EPC2: variants seen among roughly 807,000 people sequenced by gnomAD.
The protein encoded by EPC2 is enhancer of polycomb homolog 2.
EPC2 carries 14 observed loss-of-function variants against 92.1 expected under a neutral mutation model. That is an observed-to-expected ratio of 0.15 (90% confidence interval 0.10 to 0.24). The LOEUF is 0.24. Among genes scored for constraint, EPC2 ranks in the 10% least tolerant of loss-of-function variants. EPC2 has a pLI of 1.00. For synonymous variants in EPC2, 340 were observed against 334.7 expected, an observed-to-expected ratio of 1.02 and a Z score of -0.17; for missense variants, 755 against 971.5, an observed-to-expected ratio of 0.78 and a Z score of 2.96.
In EPC2 at chr2:148,681,012, G is replaced by T. The variant is rs2105366338; in HGVS notation, c.154-9202G>T. ...GACATGTTTGTCAAGCTCAAAAAATGAGACTTTATCCTGTAGATGGTGGGC... is the reference window on the plus strand; with the variant it reads ...GACATGTTTGTCAAGCTCAAAAAATTAGACTTTATCCTGTAGATGGTGGGC... On this transcript the variant is annotated intron_variant, in intron 1 of 13. Transcript: ENST00000258484. 1.3e-5 allele frequency among the ~76,000 whole-genome samples: 2 copies of T among 152,272 alleles called. 1 individual carries two copies. Among genetic ancestry groups the T allele is most frequent in the South Asian group, 4.1e-4 (2 of 4,824 alleles).
At chr2:148,742,336 C>G (rs1682894130) in intron 2 of EPC2, among the ~76,000 whole-genome samples, 1 of 152,150 alleles carries the variant, frequency 6.6e-6, no homozygotes, top group Non-Finnish European at 1.5e-5. Context: ...TTCTGCTGCT[C>G]TTTCTAGAGT....
chr2:148,780,574 T>C (rs1480215870), intron 10 of EPC2, among the ~76,000 whole-genome samples: 1 of 152,180 alleles, frequency 6.6e-6, no homozygotes, highest in East Asian at 1.9e-4. Flanking sequence ...GTATTTCTTA[T>C]GTCTGTCTTT....
intron 1 of EPC2, among the ~76,000 whole-genome samples, chr2:148,681,359 G>A (rs1425928323): frequency 1.3e-5 from 2 of 152,106 alleles, no homozygotes; most frequent in Admixed American, 1.3e-4. Flanking sequence ...ATTGTTATTG[G>A]GGGAGGGGGC....
Position 148,761,782 on chromosome 2 carries a change from A to G in EPC2, c.667A>G (p.Asn223Asp). 1 of 1,483,716 alleles carries G rather than the reference A, an allele frequency of 6.7e-7. No individual in the cohort carries two copies. The highest frequency in any genetic ancestry group is 9.0e-7 in the Non-Finnish European group (1 of 1,116,222). The allele number at this position is 1,483,716 out of a possible 1,614,324, so 91.9% of individuals were successfully genotyped here. ...CTTCTAAAATTATTATTTTTAATAG[A>G]ATCGTAAGAATGATGAAGCCTCTTA... ...RRTEKMQTRK[N>D]RKNDEASYEK... Residue 223 changes from asparagine to aspartate, a missense_variant and splice_region_variant, in exon 5 of 14, where the codon AAT becomes GAT. By Grantham distance (23) the Asn-to-Asp change is conservative. Coordinates refer to ENST00000258484, the MANE Select transcript of EPC2 (RefSeq NM_015630.4).
At chr2:148,754,776 C>T (rs1481602583) in intron 4 of EPC2, among the ~76,000 whole-genome samples, 4 of 152,276 alleles carry the variant, frequency 2.6e-5, no homozygotes, top group Admixed American at 6.5e-5. Flanking sequence ...TTGTTCCCAT[C>T]TGGCTTTCAG....
At chr2:148,751,301 A>G (rs1288570995) in intron 3 of EPC2, among the ~76,000 whole-genome samples, 4 of 152,156 alleles carry the variant, frequency 2.6e-5, no homozygotes, top group Non-Finnish European at 5.9e-5. Context: ...TTAACAGACT[A>G]AGTGGTCCTT....
chr2:148,753,866 G>A, intron 3 of EPC2, 61 bp from the exon 4 acceptor site: 2 of 1,465,228 alleles, frequency 1.4e-6, no homozygotes, highest in Admixed American at 2.1e-5. Flanking sequence ...ACAGCCATAA[G>A]CTAACTTTTA....
intron 1 of EPC2, among the ~76,000 whole-genome samples, chr2:148,651,706 GGTT>G (rs1255172515): frequency 6.6e-6 from 1 of 152,126 alleles, no homozygotes; most frequent in East Asian, 1.9e-4. Context: ...CTGAGCCTCA[GGTT>G]GTTCATCACT....
chr2:148,775,992 A>G (rs900967958), intron 10 of EPC2, among the ~76,000 whole-genome samples: 17 of 151,972 alleles, frequency 1.1e-4, no homozygotes, highest in African/African-American at 4.1e-4. Flanking sequence ...TGTGTTAGCC[A>G]GGATGGTCTC....
At chr2:148,766,216 G>A (rs1012124543) in intron 7 of EPC2, among the ~76,000 whole-genome samples, 3 of 152,084 alleles carry the variant, frequency 2.0e-5, no homozygotes, top group Admixed American at 6.5e-5. Context: ...TTTGCTTTAA[G>A]GAAACTTTCT....
Position 148,762,740 on chromosome 2 carries a change from T to C in EPC2, c.886T>C (p.Tyr296His). 1 of 1,611,288 alleles carries C rather than the reference T, an allele frequency of 6.2e-7. No homozygotes were observed. The highest frequency in any genetic ancestry group is 8.5e-7 in the Non-Finnish European group (1 of 1,178,720). ...VKISRSEKEL[Y>H]ATPATLHNGN... ...AATCAGTAGATCAGAAAAAGAGTTA[T>C]ATGCCACTCCAGCAACTCTTCATAA... is the stretch of plus-strand genomic sequence containing the variant. The change falls in exon 6 of 14, where the codon TAT (tyrosine) becomes CAT (histidine). Residue 296 changes from tyrosine to histidine, a missense_variant. Physicochemically the swap from Tyr to His is moderately conservative, Grantham distance 83 (BLOSUM62 2). This residue lies in a region of EPC2 where 509 missense variants were observed against 607.7 expected (regional missense o/e 0.84). Coordinates refer to ENST00000258484, the MANE Select transcript of EPC2 (RefSeq NM_015630.4).
intron 12 of EPC2, 121 bp from the exon 13 acceptor site, chr2:148,784,546 GT>G (rs778764200): frequency 1.4e-6 from 1 of 718,762 alleles, no homozygotes; most frequent in Non-Finnish European, 2.3e-6. Flanking sequence ...AGAGACCAGT[GT>G]GTGAAAAGTT....
chr2:148,682,605 A>G (rs1365645614), intron 1 of EPC2, among the ~76,000 whole-genome samples: 1 of 152,170 alleles, frequency 6.6e-6, no homozygotes, highest in African/African-American at 2.4e-5. Flanking sequence ...AGTTACTCAT[A>G]TACCTCAGTT....
intron 1 of EPC2, among the ~76,000 whole-genome samples, chr2:148,661,667 A>G (rs576450011): frequency 1.2e-3 from 184 of 151,530 alleles, no homozygotes; most frequent in African/African-American, 4.2e-3. Flanking sequence ...AACAATATAC[A>G]TATTTATAAT....
At position 148,699,908 on chromosome 2, in the gene EPC2, T is replaced by C. The variant is rs554159780; in HGVS notation, c.313+9535T>C. Among the ~76,000 whole-genome samples, 105 of 152,326 alleles carry C rather than the reference T, an allele frequency of 6.9e-4. 4 individuals are homozygous for C. In the South Asian group the frequency reaches 0.022, roughly 31 times the overall value. ...TCATCGTTTGGTTTTGGGTCAGTTT[T>C]TGGATTTTAGCCATTTTACTAGGTG... On this transcript the variant is annotated intron_variant, in intron 2 of 13. Transcript: ENST00000258484.
At chr2:148,751,823 A>G (rs549628486) in intron 3 of EPC2, among the ~76,000 whole-genome samples, 85 of 152,298 alleles carry the variant, frequency 5.6e-4, no homozygotes, top group African/African-American at 2.0e-3. Flanking sequence ...GTAGCTAAAG[A>G]TAATTTTTAC....
intron 10 of EPC2, among the ~76,000 whole-genome samples, chr2:148,776,404 T>A (rs1311904030): frequency 6.6e-6 from 1 of 152,194 alleles, no homozygotes; most frequent in Non-Finnish European, 1.5e-5. Context: ...TATCCTCACA[T>A]CTGTTTGTTC....
intron 7 of EPC2, among the ~76,000 whole-genome samples, chr2:148,768,219 C>A (rs1683452561): frequency 6.6e-6 from 1 of 152,144 alleles, no homozygotes; most frequent in Admixed American, 6.5e-5. Flanking sequence ...AAGAGATGTT[C>A]TACAAAGTGA....
At chr2:148,741,229 T>C (rs1574616188) in intron 2 of EPC2, among the ~76,000 whole-genome samples, 1 of 152,142 alleles carries the variant, frequency 6.6e-6, no homozygotes, top group East Asian at 1.9e-4. Flanking sequence ...GTGGGACTCA[T>C]TGAGAGATGA....
Sources: gnomAD v4.1 joint callset for allele counts (sites outside exome capture counted in the v4.1 genomes callset) on GRCh38, gnomAD v4.1.1 for gene constraint, gnomAD v4.1.1 regional missense constraint, MANE v1.5 for transcripts, NCBI Gene and HGNC (gene_info 2026-07-23, HGNC 2026-07-21) for gene names.